Variants in SPAG16 observed in about 807,000 individuals in gnomAD.
SPAG16 encodes sperm associated antigen 16.
Under a neutral mutation model 80.4 loss-of-function variants are expected in SPAG16, and 86 were observed. The ratio of observed to expected loss-of-function variants is 1.07; its 90% CI spans 0.90 to 1.28. The LOEUF (loss-of-function observed/expected upper bound fraction) is 1.28. SPAG16 is among the 50% of genes most tolerant of loss of function. The probability of loss-of-function intolerance (pLI) is 0.00; values close to 1 mark genes in which losing one functional copy is unlikely to be tolerated. For missense variants in SPAG16, 870 were observed against 765.3 expected, an observed-to-expected ratio of 1.14 and a Z score of -1.61; for synonymous variants, 294 against 265.9, an observed-to-expected ratio of 1.11 and a Z score of -1.03.
chr2:213,605,058 A>G (rs576538296), intron 10 of SPAG16, among the ~76,000 whole-genome samples: 1 of 151,714 alleles, frequency 6.6e-6, no homozygotes, highest in African/African-American at 2.4e-5. Flanking sequence ...ATATGTGTAT[A>G]TATAGTTTTT....
chr2:214,107,816 C>G (rs1480486422), intron 13 of SPAG16, among the ~76,000 whole-genome samples: 4 of 152,118 alleles, frequency 2.6e-5, no homozygotes, highest in African/African-American at 9.7e-5. Flanking sequence ...CTGCCTACCC[C>G]CAGCAGCAGT....
At chr2:214,228,333 T>C (rs1334753730) in intron 15 of SPAG16, among the ~76,000 whole-genome samples, 2 of 151,986 alleles carry the variant, frequency 1.3e-5, no homozygotes, top group Admixed American at 1.3e-4. Context: ...ATTTTCATTT[T>C]GATAGCATTA....
At chr2:214,121,466 G>C (rs981490572) in intron 14 of SPAG16, among the ~76,000 whole-genome samples, 1 of 151,778 alleles carries the variant, frequency 6.6e-6, no homozygotes, top group South Asian at 2.1e-4. Context: ...TTCTCCTATT[G>C]GTACTTTTCG....
chr2:213,292,663 C>CAAAA (rs1248465249), intron 1 of SPAG16, among the ~76,000 whole-genome samples: 20,583 of 74,238 alleles, frequency 0.28, 2,710 homozygotes, highest in Non-Finnish European at 0.35. Flanking sequence ...GACTCCGTCT[C>CAAAA]AAAAAAAAAA....
intron 10 of SPAG16, among the ~76,000 whole-genome samples, chr2:213,492,935 C>G (rs1373353613): frequency 6.6e-6 from 1 of 152,078 alleles, no homozygotes; most frequent in Admixed American, 6.5e-5. Context: ...TTCTATAAGG[C>G]AGTTATTATT....
chr2:214,190,740 G>T (rs1576457741), intron 15 of SPAG16, among the ~76,000 whole-genome samples: 1 of 152,192 alleles, frequency 6.6e-6, no homozygotes, highest in Non-Finnish European at 1.5e-5. Flanking sequence ...AGAGCCTGGA[G>T]CTCCCTCTTC....
chr2:213,997,764 T>C (rs1488492348), intron 12 of SPAG16, among the ~76,000 whole-genome samples: 1 of 152,228 alleles, frequency 6.6e-6, no homozygotes, highest in Non-Finnish European at 1.5e-5. Context: ...GCCAGTCTCA[T>C]AATGTTTTAA....
At chr2:213,426,052 T>A (rs1274743728) in intron 9 of SPAG16, among the ~76,000 whole-genome samples, 2 of 152,244 alleles carry the variant, frequency 1.3e-5, no homozygotes, top group African/African-American at 4.8e-5. Context: ...TAACTAGTAT[T>A]TCTTCAATTA....
chr2:213,575,544 A>T (rs1424817425), intron 10 of SPAG16, among the ~76,000 whole-genome samples: 1 of 152,066 alleles, frequency 6.6e-6, no homozygotes, highest in Non-Finnish European at 1.5e-5. Flanking sequence ...GTTTATAATG[A>T]TTTTGTGTAT....
At chr2:214,295,473 C>A (rs530662398) in intron 15 of SPAG16, among the ~76,000 whole-genome samples, 61 of 152,280 alleles carry the variant, frequency 4.0e-4, no homozygotes, top group African/African-American at 1.4e-3. Flanking sequence ...CCCTCCCTCC[C>A]TAAGCTCTCC....
At chr2:213,548,239 A>T (rs954593913) in intron 10 of SPAG16, among the ~76,000 whole-genome samples, 1 of 151,758 alleles carries the variant, frequency 6.6e-6, no homozygotes, top group Non-Finnish European at 1.5e-5. Flanking sequence ...TCGGGGACGG[A>T]GTTTCGCTCT....
intron 10 of SPAG16, among the ~76,000 whole-genome samples, chr2:213,595,146 T>C (rs1015349638): frequency 2.6e-5 from 4 of 152,048 alleles, no homozygotes; most frequent in Non-Finnish European, 5.9e-5. Context: ...TTTAGAAGCA[T>C]GATATAATTT....
intron 12 of SPAG16, among the ~76,000 whole-genome samples, chr2:213,994,596 C>T (rs1036172616): frequency 7.6e-6 from 1 of 131,416 alleles, no homozygotes. Flanking sequence ...TTTTTTTTTA[C>T]AACATTAGGG....
intron 13 of SPAG16, among the ~76,000 whole-genome samples, chr2:214,054,210 G>A (rs947003701): frequency 2.6e-5 from 4 of 152,004 alleles, no homozygotes; most frequent in Non-Finnish European, 5.9e-5. Flanking sequence ...GGGTTTTGCC[G>A]TATTGGCCAG....
At chr2:213,710,161 G>A (rs928198643) in intron 10 of SPAG16, among the ~76,000 whole-genome samples, 10 of 152,052 alleles carry the variant, frequency 6.6e-5, no homozygotes, top group African/African-American at 2.4e-4. Flanking sequence ...GCACATGCCT[G>A]TAGTCTCAGC....
rs980022409 is a variant in SPAG16 at position 213,339,842 on chromosome 2, C to G, written c.537-321C>G. On this transcript the variant is annotated intron_variant, in intron 5 of 15. Coordinates refer to ENST00000331683, the MANE Select transcript of SPAG16 (RefSeq NM_024532.5). ...GTTTCATATATTTCAATTTTCCAAG[C>G]CAAAAAGGTTCTCTTTGGAAATAGA... is the stretch of plus-strand genomic sequence containing the variant. Among the ~76,000 whole-genome samples the G allele has an allele frequency of 2.0e-5, 3 of 152,070 alleles. No homozygotes were observed. In the East Asian group the frequency reaches 5.8e-4, roughly 29 times the overall value.
chr2:213,547,950 C>T (rs1364386419), intron 10 of SPAG16, among the ~76,000 whole-genome samples: 2 of 152,060 alleles, frequency 1.3e-5, no homozygotes, highest in Non-Finnish European at 2.9e-5. Context: ...GTATAATATA[C>T]CAAGATTCAT....
At chr2:213,775,942 T>A (rs558343663) in intron 10 of SPAG16, among the ~76,000 whole-genome samples, 1 of 152,366 alleles carries the variant, frequency 6.6e-6, no homozygotes, top group East Asian at 1.9e-4. Context: ...CCTAATAAAT[T>A]AGCTCCAAAT....
chr2:213,990,779 T>C (rs1474352420), intron 12 of SPAG16, among the ~76,000 whole-genome samples: 9 of 152,042 alleles, frequency 5.9e-5, no homozygotes. Flanking sequence ...TTTAAACCCA[T>C]GTTGTTAAGG....
Sources: gnomAD v4.1 joint callset for allele counts (sites outside exome capture counted in the v4.1 genomes callset) on GRCh38, gnomAD v4.1.1 for gene constraint, MANE v1.5 for transcripts, NCBI Gene and HGNC (gene_info 2026-07-23, HGNC 2026-07-21) for gene names.